Variants in DSCAM observed in about 807,000 individuals in gnomAD.
DSCAM encodes cell adhesion molecule DSCAM.
Under a neutral mutation model 217.7 loss-of-function variants are expected in DSCAM, and 47 were observed. The observed-to-expected ratio is 0.22, with a 90% CI of 0.17 to 0.28. The LOEUF is 0.28. DSCAM is among the 10% of genes least tolerant of loss of function. DSCAM has a pLI of 1.00. For synonymous variants in DSCAM, 1,056 were observed against 1,015.3 expected, an observed-to-expected ratio of 1.04 and a Z score of -0.76; for missense variants, 2,080 against 2,618.3, an observed-to-expected ratio of 0.79 and a Z score of 4.49.
intron 3 of DSCAM, among the ~76,000 whole-genome samples, chr21:40,648,093 A>C (rs2837760): frequency 5.0e-5 from 3 of 60,162 alleles, no homozygotes; most frequent in African/African-American, 8.2e-5. Context: ...ATACTTGCAA[A>C]ATTTGGAAAA....
intron 3 of DSCAM, among the ~76,000 whole-genome samples, chr21:40,470,486 C>T (rs948770016): frequency 1.3e-5 from 2 of 152,212 alleles, no homozygotes; most frequent in African/African-American, 2.4e-5. Context: ...TCTTCTCCAG[C>T]GCCTTCAACT....
At chr21:40,131,338 G>A (rs527909364) in intron 19 of DSCAM, among the ~76,000 whole-genome samples, 8 of 152,238 alleles carry the variant, frequency 5.3e-5, no homozygotes, top group South Asian at 2.1e-4. Flanking sequence ...ATTCTTCACC[G>A]TTTCTAAATT....
chr21:40,710,832 G>A (rs1406386450), intron 1 of DSCAM, among the ~76,000 whole-genome samples: 6 of 152,258 alleles, frequency 3.9e-5, no homozygotes, highest in Non-Finnish European at 8.8e-5. Context: ...ATTTGTAAGA[G>A]AGAAGAGAAG....
intron 19 of DSCAM, among the ~76,000 whole-genome samples, chr21:40,125,305 C>T (rs1008217178): frequency 2.0e-5 from 3 of 152,024 alleles, no homozygotes; most frequent in Non-Finnish European, 2.9e-5. Context: ...GAGGTGAGGG[C>T]GGGTGAGATG....
intron 3 of DSCAM, among the ~76,000 whole-genome samples, chr21:40,425,911 T>C (rs546335924): frequency 9.5e-4 from 145 of 152,344 alleles, no homozygotes; most frequent in African/African-American, 3.2e-3. Context: ...TATGTATATA[T>C]GGATATCTAT....
chr21:40,093,199 G>A (rs972440324), intron 21 of DSCAM, among the ~76,000 whole-genome samples: 1 of 152,160 alleles, frequency 6.6e-6, no homozygotes, highest in Non-Finnish European at 1.5e-5. Flanking sequence ...CCAGTTTAAC[G>A]TACAAATGTG....
intron 16 of DSCAM, among the ~76,000 whole-genome samples, chr21:40,154,278 G>T (rs1233742742): frequency 6.8e-6 from 1 of 146,898 alleles, no homozygotes; most frequent in East Asian, 2.0e-4. Flanking sequence ...TTTTTCACAG[G>T]GTCTCACTCT....
At chr21:40,409,265 C>T (rs755190252) in intron 3 of DSCAM, among the ~76,000 whole-genome samples, 5 of 152,146 alleles carry the variant, frequency 3.3e-5, no homozygotes, top group Non-Finnish European at 5.9e-5. Context: ...CCACATTCAG[C>T]CTTGATTAAG....
intron 1 of DSCAM, among the ~76,000 whole-genome samples, chr21:40,741,799 G>A (rs915966835): frequency 2.0e-5 from 3 of 152,164 alleles, no homozygotes; most frequent in Non-Finnish European, 4.4e-5. Context: ...CAGGTGATTC[G>A]AATGAGCAGC....
chr21:40,429,260 GT>G (rs1380428311), intron 3 of DSCAM, among the ~76,000 whole-genome samples: 1 of 149,980 alleles, frequency 6.7e-6, no homozygotes, highest in Non-Finnish European at 1.5e-5. Context: ...ATTGTATCAA[GT>G]TTTTTGTGCT....
chr21:40,144,042 T>C lies in DSCAM; in HGVS notation c.3259+449A>G, dbSNP rs539166442. Among the ~76,000 whole-genome samples the C allele has an allele frequency of 2.0e-5, 3 of 152,316 alleles. No individual in the cohort carries two copies. The highest frequency in any genetic ancestry group is 7.2e-5 in the African/African-American group (3 of 41,582). ...CGGCCGCTAGGGGGCGATCGATCAC[T>C]GTGCAATCTGAAAATTCCTTTTCTC... On this transcript the variant is annotated intron_variant, in intron 17 of 32. Transcript: ENST00000400454. This position sits in a 1 kb window ranked among gnomAD's most constrained non-coding sequence, Gnocchi z 4.8.
At chr21:40,773,950 CT>C (rs2091467487) in intron 1 of DSCAM, among the ~76,000 whole-genome samples, 1 of 152,208 alleles carries the variant, frequency 6.6e-6, no homozygotes, top group Non-Finnish European at 1.5e-5. Context: ...ACAGTAGAAG[CT>C]GGGTTCAGAT....
At chr21:40,602,663 G>T (rs2077071493) in intron 3 of DSCAM, among the ~76,000 whole-genome samples, 1 of 151,952 alleles carries the variant, frequency 6.6e-6, no homozygotes, top group Non-Finnish European at 1.5e-5. Flanking sequence ...TAACATCTAT[G>T]AAAGCATTCC....
intron 1 of DSCAM, among the ~76,000 whole-genome samples, chr21:40,782,119 C>T (rs1292127107): frequency 2.0e-5 from 3 of 151,722 alleles, no homozygotes; most frequent in African/African-American, 7.3e-5. Context: ...TGCAGTGAGC[C>T]GAGATCACGC....
chr21:40,704,183 A>G (rs2090687242), intron 2 of DSCAM, among the ~76,000 whole-genome samples: 1 of 152,062 alleles, frequency 6.6e-6, no homozygotes, highest in African/African-American at 2.4e-5. Context: ...CCGTCTGTTC[A>G]ACCCTCCCTC....
chr21:40,711,266 TC>T (rs1287747409), intron 1 of DSCAM, among the ~76,000 whole-genome samples: 1 of 152,176 alleles, frequency 6.6e-6, no homozygotes, highest in East Asian at 1.9e-4. Flanking sequence ...GGTTACAGGC[TC>T]CTGCTATGTG....
intron 11 of DSCAM, among the ~76,000 whole-genome samples, chr21:40,200,613 T>C (rs542573769): frequency 7.9e-5 from 12 of 152,238 alleles, no homozygotes; most frequent in Non-Finnish European, 1.2e-4. Context: ...TACAAAACAT[T>C]ATTTTTTAGA....
chr21:40,377,241 G>A (rs182633484), intron 3 of DSCAM, among the ~76,000 whole-genome samples: 1 of 152,280 alleles, frequency 6.6e-6, no homozygotes. Flanking sequence ...AAACAGAGAA[G>A]TTCAGGGACT....
chr21:40,155,783 C>T (rs1203299267), intron 16 of DSCAM, among the ~76,000 whole-genome samples: 1 of 152,088 alleles, frequency 6.6e-6, no homozygotes, highest in Non-Finnish European at 1.5e-5. Context: ...TCCACATCCA[C>T]CTCTCACCCC....
Sources: gnomAD v4.1 joint callset for allele counts (sites outside exome capture counted in the v4.1 genomes callset) on GRCh38, gnomAD v4.1.1 for gene constraint, Gnocchi (gnomAD v3.1) non-coding constraint, MANE v1.5 for transcripts, NCBI Gene and HGNC (gene_info 2026-07-23, HGNC 2026-07-21) for gene names.